MACROD2: variants seen among roughly 807,000 people sequenced by gnomAD.
MACROD2 encodes the protein mono-ADP ribosylhydrolase 2, also known as ADP-ribose glycohydrolase MACROD2.
MACROD2 carries 36 observed loss-of-function variants against 70.4 expected under a neutral mutation model. That is an observed-to-expected ratio of 0.51 (90% CI 0.39 to 0.68). The LOEUF (loss-of-function observed/expected upper bound fraction) is 0.68. MACROD2 is among the 30% of genes least tolerant of loss of function. The pLI is 0.00. For missense variants in MACROD2, 496 were observed against 538.4 expected (o/e 0.92, Z 0.78); for synonymous variants, 172 against 178.8 (o/e 0.96, Z 0.30).
At chr20:14,344,459 A>T (rs1034059870) in intron 3 of MACROD2, among the ~76,000 whole-genome samples, 20 of 152,224 alleles carry the variant, frequency 1.3e-4, no homozygotes, top group African/African-American at 4.8e-4. Flanking sequence ...TTATATATTA[A>T]CTAGACTCAC....
chr20:14,595,527 C>G (rs1330478513), intron 4 of MACROD2, among the ~76,000 whole-genome samples: 1 of 152,190 alleles, frequency 6.6e-6, no homozygotes, highest in Non-Finnish European at 1.5e-5. Flanking sequence ...GTCTCAATAA[C>G]ATAGCTTTCT....
At chr20:15,043,694 C>T (rs1001881442) in intron 5 of MACROD2, among the ~76,000 whole-genome samples, 5 of 152,152 alleles carry the variant, frequency 3.3e-5, no homozygotes, top group African/African-American at 1.2e-4. Flanking sequence ...AACACTTTGT[C>T]TGTACCCCTG....
At chr20:15,255,015 C>T (rs1002751894) in intron 6 of MACROD2, among the ~76,000 whole-genome samples, 3 of 145,890 alleles carry the variant, frequency 2.1e-5, no homozygotes, top group Admixed American at 7.1e-5. Context: ...AACTGGAGCT[C>T]CTGGGGATAC....
At chr20:14,515,185 A>G (rs1293453972) in intron 4 of MACROD2, among the ~76,000 whole-genome samples, 2 of 152,152 alleles carry the variant, frequency 1.3e-5, no homozygotes, top group Admixed American at 6.6e-5. Flanking sequence ...GATTAATGTT[A>G]GGAATAACAC....
At chr20:15,326,911 G>GACA in intron 6 of MACROD2, among the ~76,000 whole-genome samples, 1 of 152,186 alleles carries the variant, frequency 6.6e-6, no homozygotes, top group South Asian at 2.1e-4. Context: ...AAAATATTGG[G>GACA]ACAACAACAA....
intron 8 of MACROD2, among the ~76,000 whole-genome samples, chr20:15,769,952 G>A (rs995276258): frequency 2.6e-5 from 4 of 151,876 alleles, no homozygotes; most frequent in Non-Finnish European, 5.9e-5. Context: ...AACTATTAAA[G>A]TTCCCAGGTA....
intron 5 of MACROD2, among the ~76,000 whole-genome samples, chr20:14,854,320 A>G (rs1026352248): frequency 6.6e-6 from 1 of 152,122 alleles, no homozygotes; most frequent in Non-Finnish European, 1.5e-5. Context: ...TTGTTCTTGA[A>G]TTTGCTTTAT....
intron 8 of MACROD2, among the ~76,000 whole-genome samples, chr20:15,558,006 C>G (rs986470338): frequency 6.6e-6 from 1 of 152,136 alleles, no homozygotes; most frequent in Non-Finnish European, 1.5e-5. Context: ...CACTGTAATA[C>G]GCTTTACTCA....
chr20:15,335,752 C>T (rs763843113), intron 6 of MACROD2, among the ~76,000 whole-genome samples: 19 of 151,798 alleles, frequency 1.3e-4, no homozygotes, highest in Admixed American at 4.6e-4. Flanking sequence ...AACACACACA[C>T]GCACAGACAC....
chr20:15,882,793 G>A (rs142338011), intron 9 of MACROD2, among the ~76,000 whole-genome samples: 1 of 152,142 alleles, frequency 6.6e-6, no homozygotes, highest in Non-Finnish European at 1.5e-5. Context: ...GTGAATGAAT[G>A]AATAATAACC....
intron 8 of MACROD2, among the ~76,000 whole-genome samples, chr20:15,755,869 G>A (rs35894958): frequency 0.039 from 5,908 of 152,236 alleles, 144 homozygotes; most frequent in Non-Finnish European, 0.056. Flanking sequence ...TAAACTGAAA[G>A]GAAACAGCAG....
chr20:15,050,505 G>A (rs1478400458), intron 5 of MACROD2, among the ~76,000 whole-genome samples: 3 of 107,560 alleles, frequency 2.8e-5, no homozygotes, highest in African/African-American at 1.1e-4. Context: ...GTTTAACACT[G>A]TTGTCTTTTT....
intron 3 of MACROD2, among the ~76,000 whole-genome samples, chr20:14,116,051 G>T (rs1601240814): frequency 6.6e-6 from 1 of 152,130 alleles, no homozygotes; most frequent in Non-Finnish European, 1.5e-5. Flanking sequence ...ATCAGATGGG[G>T]CTGATTGGTG....
At chr20:15,462,585 A>G (rs1269426069) in intron 7 of MACROD2, among the ~76,000 whole-genome samples, 1 of 152,238 alleles carries the variant, frequency 6.6e-6, no homozygotes, top group African/African-American at 2.4e-5. Context: ...AAAGAGGCAA[A>G]TAGATATTAC....
At chr20:14,442,799 G>A (rs62204396) in intron 3 of MACROD2, among the ~76,000 whole-genome samples, 23,646 of 152,000 alleles carry the variant, frequency 0.16, 2,624 homozygotes, top group Non-Finnish European at 0.23. Context: ...CTACAGGGCC[G>A]GGCACGGTGG....
At chr20:15,760,555 T>G (rs2051420854) in intron 8 of MACROD2, among the ~76,000 whole-genome samples, 1 of 152,130 alleles carries the variant, frequency 6.6e-6, no homozygotes, top group Non-Finnish European at 1.5e-5. Flanking sequence ...CCCCACGCAT[T>G]CCTTCCTTGC....
chr20:14,578,627 T>TA (rs1980778445), intron 4 of MACROD2, among the ~76,000 whole-genome samples: 4 of 152,350 alleles, frequency 2.6e-5, no homozygotes, highest in Middle Eastern at 6.8e-3. Context: ...TCTTTGTTTT[T>TA]ATCAAAGTTT....
At chr20:15,234,039 T>G (rs1270360078) in intron 6 of MACROD2, among the ~76,000 whole-genome samples, 17 of 46,878 alleles carry the variant, frequency 3.6e-4, no homozygotes, top group Non-Finnish European at 4.7e-4. Flanking sequence ...TTTTTTTTTT[T>G]TTTTTTTTTT....
At chr20:15,808,073 A>C (rs1358326819) in intron 8 of MACROD2, among the ~76,000 whole-genome samples, 1 of 151,706 alleles carries the variant, frequency 6.6e-6, no homozygotes, top group Non-Finnish European at 1.5e-5. Flanking sequence ...TCCTTGCTCA[A>C]TTGATCACAA....
Sources: gnomAD v4.1 joint callset for allele counts (sites outside exome capture counted in the v4.1 genomes callset) on GRCh38, gnomAD v4.1.1 for gene constraint, MANE v1.5 for transcripts, NCBI Gene and HGNC (gene_info 2026-07-23, HGNC 2026-07-21) for gene names.